The following SMG6 variants were observed in gnomAD, a reference collection of about 807,000 sequenced individuals.
SMG6 encodes telomerase-binding protein EST1A.
Under a neutral mutation model 142.2 loss-of-function variants are expected in SMG6, and 66 were observed. That is an observed-to-expected ratio of 0.46 (90% confidence interval 0.38 to 0.57). The LOEUF is 0.57. Among genes scored for constraint, SMG6 ranks in the 20% least tolerant of loss-of-function variants. The probability of loss-of-function intolerance (pLI) is 0.00; values close to 1 mark genes in which losing one functional copy is unlikely to be tolerated. For missense variants in SMG6, 1,793 were observed against 1,832.0 expected, an observed-to-expected ratio of 0.98 and a Z score of 0.39; for synonymous variants, 779 against 702.4, an observed-to-expected ratio of 1.11 and a Z score of -1.72.
chr17:2,244,495 A>C (rs994459416), intron 9 of SMG6, among the ~76,000 whole-genome samples, 163 bp downstream of exon 9: 1 of 152,218 alleles, frequency 6.6e-6, no homozygotes, highest in African/African-American at 2.4e-5. Context: ...AAATTTCATG[A>C]GCACAGTAGG....
intron 12 of SMG6, among the ~76,000 whole-genome samples, chr17:2,181,408 T>C (rs770444314): frequency 1.7e-4 from 26 of 152,216 alleles, no homozygotes; most frequent in Non-Finnish European, 3.5e-4. Flanking sequence ...CTCTCTTTCA[T>C]GCTTAAACTC....
intron 8 of SMG6, among the ~76,000 whole-genome samples, chr17:2,279,185 A>G (rs1040410983): frequency 2.6e-5 from 4 of 152,246 alleles, no homozygotes; most frequent in Non-Finnish European, 5.9e-5. Context: ...GGTAAGAAAG[A>G]AAGTGACTGA....
intron 15 of SMG6, chr17:2,072,994 G>A (rs975711555): frequency 6.6e-6 from 1 of 152,152 alleles, no homozygotes; most frequent in South Asian, 2.1e-4. Context: ...CATATCCAGA[G>A]CATAAATATC....
chr17:2,127,429 A>G, intron 13 of SMG6: 2 of 820,306 alleles, frequency 2.4e-6, no homozygotes, highest in Non-Finnish European at 4.1e-6. Context: ...ACTTTATTAG[A>G]TCCACAGGTG....
At chr17:2,220,344 T>C (rs956618233) in intron 10 of SMG6, among the ~76,000 whole-genome samples, 4 of 152,186 alleles carry the variant, frequency 2.6e-5, no homozygotes, top group Non-Finnish European at 5.9e-5. Flanking sequence ...AACATATTCA[T>C]GTGAAGCCAA....
At chr17:2,066,284 A>ATG (rs201180096) in intron 16 of SMG6, among the ~76,000 whole-genome samples, 3,157 of 149,366 alleles carry the variant, frequency 0.021, 100 homozygotes, top group African/African-American at 0.073. Flanking sequence ...GTGTGCGTGT[A>ATG]TGTGTCTGTG....
chr17:2,061,794 C>G (rs2067789071), intron 18 of SMG6, 172 bp from the exon 19 acceptor site: 1 of 690,126 alleles, frequency 1.4e-6, no homozygotes. Context: ...GGACCCTCCC[C>G]TGCTGGCCTA....
rs567913168 is a variant in SMG6 at position 2,067,214 on chromosome 17, C to T, written c.3836-1535G>A. 5.9e-5 allele frequency among the ~76,000 whole-genome samples: 9 copies of T among 152,304 alleles called. No individual in the cohort carries two copies. The South Asian group carries it at 1.0e-3, about 18-fold the overall frequency. On this transcript the variant is annotated intron_variant, in intron 16 of 18. Transcript: ENST00000263073. Reference sequence around the variant, plus strand: ...TCTCATGCGTTTGCTCCCTCCCCACCGAATCCGGATTTCCTTACTAAACCC... The same window carrying T: ...TCTCATGCGTTTGCTCCCTCCCCACTGAATCCGGATTTCCTTACTAAACCC...
chr17:2,271,018 G>A (rs1465858992), intron 8 of SMG6, among the ~76,000 whole-genome samples: 1 of 151,980 alleles, frequency 6.6e-6, no homozygotes, highest in Non-Finnish European at 1.5e-5. Context: ...AGAAAAATAA[G>A]GCCAGGCGTG....
rs1186247158 is a variant in SMG6 at position 2,099,554 on chromosome 17, C to T, written c.3358-13653G>A. ...CATATTAAAAAATGTAGTATGCAGA[C>T]ATTCTCTGAGATTTGGGCTGAGGTA... On this transcript the variant is annotated intron_variant, in intron 13 of 18. Transcript: ENST00000263073. 3.9e-5 allele frequency among the ~76,000 whole-genome samples: 6 copies of T among 152,044 alleles called. No individual in the cohort carries two copies. The East Asian group carries it at 1.2e-3, about 29-fold the overall frequency.
chr17:2,068,829 GA>G lies in SMG6; in HGVS notation c.3783del (p.Leu1262TrpfsTer18). On this transcript the variant is annotated frameshift_variant, in exon 16 of 19. Coordinates refer to ENST00000263073, the MANE Select transcript of SMG6 (RefSeq NM_017575.5). LOFTEE classifies it high-confidence loss of function. This position sits in a 1 kb window ranked among gnomAD's most constrained non-coding sequence, Gnocchi z 6.7. ...DTNGFIDHLA[S>X]LARLLESRKY... is the part of the protein sequence containing the mutation. ...TTCCTGCTCTCCAGCAGCCGCGCCA[GA>G]CTGGCCAGGTGGTCAATGAAGCCGT... 1 of 1,614,236 alleles carries G rather than the reference GA, an allele frequency of 6.2e-7. No individual in the cohort carries two copies. The highest frequency in any genetic ancestry group is 8.5e-7 in the Non-Finnish European group (1 of 1,180,040).
At chr17:2,154,871 CAA>C (rs961622156) in intron 13 of SMG6, among the ~76,000 whole-genome samples, 1 of 151,794 alleles carries the variant, frequency 6.6e-6, no homozygotes, top group African/African-American at 2.4e-5. Flanking sequence ...CTCATCTCTA[CAA>C]AAAAATACAA....
In SMG6 at chr17:2,299,403, G is replaced by A. The variant is rs755263689; in HGVS notation, c.1350C>T (p.Gly450=). Reference sequence around the variant, plus strand: ...TTGGGTCCCACAATCGGCGTGTGGTGCCTCCACGGCCCCAACTCCGAGATC... The same window carrying A: ...TTGGGTCCCACAATCGGCGTGTGGTACCTCCACGGCCCCAACTCCGAGATC... The part of the protein sequence containing the change: ...SKGSRSWGRG[G]TTRRLWDPNN... The change falls in exon 2 of 19, where the codon GGC becomes GGT. Residue 450 remains glycine (G), a synonymous_variant. Coordinates refer to ENST00000263073, the MANE Select transcript of SMG6 (RefSeq NM_017575.5). This position sits in a 1 kb window ranked among gnomAD's most constrained non-coding sequence, Gnocchi z 4.3. 12 of 1,613,748 alleles carry A rather than the reference G, an allele frequency of 7.4e-6. No homozygotes were observed. Among genetic ancestry groups the A allele is most frequent in the African/African-American group, 1.3e-5 (1 of 74,996 alleles).
chr17:2,155,015 T>C (rs1382224530), intron 13 of SMG6, among the ~76,000 whole-genome samples: 2 of 151,484 alleles, frequency 1.3e-5, no homozygotes, highest in Non-Finnish European at 2.9e-5. Context: ...CAAAACAAGA[T>C]GTTGTCTCAA....
chr17:2,255,208 T>A (rs1483856136), intron 8 of SMG6, among the ~76,000 whole-genome samples: 1 of 151,018 alleles, frequency 6.6e-6, no homozygotes, highest in Admixed American at 6.6e-5. Context: ...ATCGAGACCA[T>A]CCTGGCTAAC....
At chr17:2,294,832 C>T (rs1234993744) in intron 4 of SMG6, among the ~76,000 whole-genome samples, 3 of 152,014 alleles carry the variant, frequency 2.0e-5, no homozygotes, top group East Asian at 3.9e-4. Flanking sequence ...CACTGAATTG[C>T]CTCTGCCTAA....
chr17:2,302,503 T>C (rs1437294960), intron 1 of SMG6, among the ~76,000 whole-genome samples: 2 of 152,226 alleles, frequency 1.3e-5, no homozygotes, highest in African/African-American at 4.8e-5. Flanking sequence ...ATCGCGCCAC[T>C]GCACTCCAGC....
intron 18 of SMG6, among the ~76,000 whole-genome samples, chr17:2,063,775 C>T (rs1398570202): frequency 4.0e-5 from 6 of 151,844 alleles, no homozygotes; most frequent in Middle Eastern, 3.4e-3. Context: ...CGAGAGAAGA[C>T]GACAGGAGGA....
chr17:2,245,417 G>C (rs2073907081), intron 8 of SMG6, among the ~76,000 whole-genome samples: 1 of 152,104 alleles, frequency 6.6e-6, no homozygotes, highest in Non-Finnish European at 1.5e-5. Context: ...ACAGAATCTT[G>C]CTCTGTCACC....
Sources: gnomAD v4.1 joint callset for allele counts (sites outside exome capture counted in the v4.1 genomes callset) on GRCh38, gnomAD v4.1.1 for gene constraint, Gnocchi (gnomAD v3.1) non-coding constraint, MANE v1.5 for transcripts, NCBI Gene and HGNC (gene_info 2026-07-23, HGNC 2026-07-21) for gene names.